Variants in LIPM observed in about 807,000 individuals in gnomAD.
The protein encoded by LIPM is lipase family member M.
In LIPM, 42 loss-of-function variants were observed where a neutral mutation model predicts 42.4. The observed-to-expected ratio is 0.99, with a 90% CI of 0.77 to 1.28. LIPM has a LOEUF of 1.28. LIPM is among the 50% of genes most tolerant of loss of function. The probability of loss-of-function intolerance (pLI) is 0.00; values close to 1 mark genes in which losing one functional copy is unlikely to be tolerated. For synonymous variants in LIPM, 177 were observed against 173.3 expected (o/e 1.02, Z -0.17); for missense variants, 524 against 520.1 (o/e 1.01, Z -0.07).
intron 7 of LIPM, 75 bp downstream of exon 7, chr10:88,816,962 T>C (rs746900451): frequency 4.0e-5 from 43 of 1,085,988 alleles, no homozygotes; most frequent in Non-Finnish European, 5.8e-5. Flanking sequence ...GGACACCATT[T>C]AGATAAGCCA....
intron 1 of LIPM, among the ~76,000 whole-genome samples, chr10:88,805,517 A>G (rs376213599): frequency 7.2e-5 from 11 of 152,332 alleles, no homozygotes; most frequent in African/African-American, 2.6e-4. Context: ...AATACAAAAG[A>G]AGGCAATAGT....
chr10:88,811,122 G>T (rs1406387200), intron 2 of LIPM, among the ~76,000 whole-genome samples: 2 of 151,854 alleles, frequency 1.3e-5, no homozygotes, highest in African/African-American at 4.8e-5. Flanking sequence ...GGTGTAGAAG[G>T]CTTTTGTCCT....
Position 88,815,633 on chromosome 10 carries a change from T to G in LIPM, c.858+130T>G, listed in dbSNP as rs1843710712. On this transcript the variant is annotated intron_variant, in intron 6 of 8. Coordinates refer to ENST00000404743, the MANE Select transcript of LIPM (RefSeq NM_001128215.1). The stretch of plus-strand genomic sequence containing the variant: ...ATATATTCTCAGTAACTCAGTTCTC[T>G]GCAAACTGTAAGGAAATAAGGGAAA... The G allele has an allele frequency of 3.8e-6, 3 of 796,302 alleles. No homozygotes were observed. In the Admixed American group the frequency reaches 9.2e-5, roughly 25 times the overall value. The allele number at this position is 796,302 out of a possible 1,614,324, so 49.3% of individuals were successfully genotyped here.
At chr10:88,806,153 A>C (rs764709715) in intron 1 of LIPM, 1 of 349,702 alleles carries the variant, frequency 2.9e-6, no homozygotes, top group Non-Finnish European at 5.6e-6. Flanking sequence ...TGCCTGCATA[A>C]ATTTTCCTGC....
chr10:88,810,231 G>C (rs751119047), intron 2 of LIPM, among the ~76,000 whole-genome samples: 2 of 152,174 alleles, frequency 1.3e-5, no homozygotes, highest in Non-Finnish European at 2.9e-5. Context: ...TAAATGAATA[G>C]CCTGGGGACA....
chr10:88,809,670 G>A lies in LIPM; in HGVS notation c.265+1255G>A, dbSNP rs12414648. On this transcript the variant is annotated intron_variant, in intron 2 of 8. Coordinates refer to ENST00000404743, the MANE Select transcript of LIPM (RefSeq NM_001128215.1). ...ATCTGTCTCTCTGCCATTATAGCCC[G>A]TGTTCTTAACTAGGACCAGAAAATG... Among the ~76,000 whole-genome samples the A allele has an allele frequency of 0.013, 2,001 of 152,258 alleles. 106 individuals carry two copies. The East Asian group carries it at 0.17, about 13-fold the overall frequency.
chr10:88,819,012 C>T lies in LIPM; in HGVS notation c.1002+1116C>T, dbSNP rs146611383. On this transcript the variant is annotated intron_variant, in intron 8 of 8. Transcript: ENST00000404743. ...GAGCCATTCTCTTGCCTCAGCCTCC[C>T]GAGTAGCTGGGACTACAGGTGCACG... Among the ~76,000 whole-genome samples the T allele has an allele frequency of 2.2e-3, 341 of 152,104 alleles. 2 individuals are homozygous for T. The highest frequency in any genetic ancestry group is 6.9e-3 in the Admixed American group (105 of 15,272).
intron 6 of LIPM, 64 bp from the exon 7 acceptor site, chr10:88,816,752 C>A: frequency 1.9e-6 from 2 of 1,076,904 alleles, no homozygotes; most frequent in South Asian, 1.4e-5. Context: ...GAGATTTGGT[C>A]TTGACAGGGT....
At chr10:88,806,454 G>A (rs1452884662) in intron 1 of LIPM, among the ~76,000 whole-genome samples, 2 of 152,040 alleles carry the variant, frequency 1.3e-5, no homozygotes, top group African/African-American at 2.4e-5. Context: ...CTTGTCAGAT[G>A]TCCTCCATTC....
At chr10:88,807,531 A>C (rs1381185891) in intron 1 of LIPM, among the ~76,000 whole-genome samples, 3 of 152,230 alleles carry the variant, frequency 2.0e-5, no homozygotes, top group African/African-American at 7.2e-5. Flanking sequence ...GAGAATGTCT[A>C]CATGTAACTA....
chr10:88,811,214 A>T (rs1212093352), intron 2 of LIPM, among the ~76,000 whole-genome samples: 2 of 152,236 alleles, frequency 1.3e-5, no homozygotes, highest in Admixed American at 1.3e-4. Context: ...GTCGGGCAGC[A>T]TGCTGAGTGC....
intron 1 of LIPM, among the ~76,000 whole-genome samples, chr10:88,808,016 T>C (rs1162974690): frequency 6.6e-6 from 1 of 152,198 alleles, no homozygotes; most frequent in African/African-American, 2.4e-5. Context: ...GTAGGTTTGG[T>C]TGGAATTTGC....
chr10:88,814,387 C>A, intron 3 of LIPM, 143 bp from the exon 4 acceptor site: 1 of 609,666 alleles, frequency 1.6e-6, no homozygotes, highest in Non-Finnish European at 2.9e-6. Flanking sequence ...TGAAAGAAAT[C>A]CATTCTGAGT....
Position 88,817,857 on chromosome 10 carries a change from C to T in LIPM, c.963C>T (p.Asp321=). ...ATTCTGGTGAACTCCGGGCATTTGA[C>T]TGGGGGAGTGAGACCAAAAATCTGG... ...AVNSGELRAF[D]WGSETKNLEK... The change falls in exon 8 of 9, where the codon GAC becomes GAT. Residue 321 remains aspartate (D), a synonymous_variant. Coordinates refer to ENST00000404743, the MANE Select transcript of LIPM (RefSeq NM_001128215.1). 1 of 1,551,414 alleles carries T rather than the reference C, an allele frequency of 6.4e-7. No homozygotes were observed. Among genetic ancestry groups the T allele is most frequent in the East Asian group, 2.4e-5 (1 of 40,922 alleles).
At chr10:88,818,872 A>G (rs1329871608) in intron 8 of LIPM, among the ~76,000 whole-genome samples, 1 of 152,014 alleles carries the variant, frequency 6.6e-6, no homozygotes, top group Non-Finnish European at 1.5e-5. Context: ...ATTTCTGTTC[A>G]AAGATGTTTT....
chr10:88,806,361 C>T (rs147444858), intron 1 of LIPM, among the ~76,000 whole-genome samples: 2 of 152,210 alleles, frequency 1.3e-5, no homozygotes, highest in Non-Finnish European at 2.9e-5. Flanking sequence ...TTTGCTCCTC[C>T]TGCTCAGAAT....
chr10:88,813,734 G>A lies in LIPM; in HGVS notation c.464+439G>A, dbSNP rs56848106. On this transcript the variant is annotated intron_variant, in intron 3 of 8. Coordinates refer to ENST00000404743, the MANE Select transcript of LIPM (RefSeq NM_001128215.1). ...AGACTAAGTAATTTATAAAGTAAAG[G>A]GTTTTAATTTACTCACAGTTCAGCG... 0.013 allele frequency among the ~76,000 whole-genome samples: 1,974 copies of A among 152,224 alleles called. 109 individuals are homozygous for A. In the East Asian group the frequency reaches 0.17, roughly 13 times the overall value.
intron 8 of LIPM, among the ~76,000 whole-genome samples, chr10:88,819,281 G>A (rs950927832): frequency 3.3e-5 from 5 of 152,096 alleles, no homozygotes; most frequent in African/African-American, 1.2e-4. Context: ...GGAGTGGAAG[G>A]GAAGAGTAAA....
Position 88,816,826 on chromosome 10 carries a change from G to A in LIPM, c.869G>A (p.Ser290Asn), listed in dbSNP as rs528448915. The A allele has an allele frequency of 5.2e-6, 8 of 1,551,190 alleles. No homozygotes were observed. In the African/African-American group the frequency reaches 8.2e-5, roughly 16 times the overall value. Residue 290 changes from serine to asparagine, a missense_variant, in exon 7 of 9, where the codon AGT (serine) becomes AAT (asparagine). By Grantham distance (46) the Ser-to-Asn change is conservative. Transcript: ENST00000404743. ...NTNNMNMSRA[S>N]VYAAHTLAGT... ...CATGGTTTGTTACAGAGCCGAGCAA[G>A]TGTATATGCTGCCCACACTCTTGCT... is the stretch of plus-strand genomic sequence containing the variant.
Sources: allele counts gnomAD v4.1 joint callset (sites outside exome capture counted in the v4.1 genomes callset), GRCh38; gene constraint gnomAD v4.1.1; transcripts MANE v1.5; gene names NCBI Gene and HGNC (gene_info 2026-07-23, HGNC 2026-07-21).